ANKRD13B: variants seen among roughly 807,000 people sequenced by gnomAD.
The protein encoded by ANKRD13B is ankyrin repeat domain-containing protein 13B.
A neutral mutation model predicts 74.4 loss-of-function variants in ANKRD13B; 33 were observed. The observed-to-expected ratio is 0.44, with a 90% CI of 0.34 to 0.59. ANKRD13B has a LOEUF of 0.59. Among genes scored for constraint, ANKRD13B ranks in the 20% least tolerant of loss-of-function variants. The pLI is 0.02. For missense variants in ANKRD13B, 676 were observed against 877.9 expected (o/e 0.77, Z 2.91); for synonymous variants, 341 against 362.9 (o/e 0.94, Z 0.68).
intron 1 of ANKRD13B, among the ~76,000 whole-genome samples, chr17:29,594,224 T>C (rs774279914): frequency 8.5e-5 from 13 of 152,286 alleles, no homozygotes; most frequent in Non-Finnish European, 1.5e-4. Flanking sequence ...GCTCTCAAAC[T>C]GGGCAGATCC....
intron 1 of ANKRD13B, among the ~76,000 whole-genome samples, chr17:29,598,658 C>T (rs899222823): frequency 2.0e-5 from 3 of 152,286 alleles, no homozygotes; most frequent in African/African-American, 7.2e-5. Context: ...AGGTGATCCT[C>T]CCATCTCAGC....
chr17:29,593,895 A>ATGGGAGCGGGACCTGCCCGC, intron 1 of ANKRD13B, 160 bp downstream of exon 1: 1 of 315,506 alleles, frequency 3.2e-6, no homozygotes. Flanking sequence ...GGAAAGGGTG[A>ATGGGAGCGGGACCTGCCCGC]TCCCCTCCGG....
chr17:29,597,550 C>T (rs62068576), intron 1 of ANKRD13B, among the ~76,000 whole-genome samples: 3 of 151,850 alleles, frequency 2.0e-5, no homozygotes, highest in African/African-American at 7.3e-5. Flanking sequence ...AAGGAATCTC[C>T]GTTCTCTTGG....
chr17:29,593,831 G>T (rs1341229902), intron 1 of ANKRD13B, 96 bp downstream of exon 1: 13 of 634,768 alleles, frequency 2.0e-5, no homozygotes, highest in Non-Finnish European at 2.9e-5. Flanking sequence ...CGCCTCCCTG[G>T]CGAGTTTGCG....
chr17:29,608,867 G>T lies in ANKRD13B; in HGVS notation c.438G>T (p.Lys146Asn). The change falls in exon 5 of 15, where the codon AAG becomes AAT. Residue 146 changes from lysine to asparagine, a missense_variant. Around this residue, in one of 4 missense-constraint regions of ANKRD13B, gnomAD observed 328 missense variants for 518.4 expected, o/e 0.63. Transcript: ENST00000394859. The surrounding 1 kb of genome is among the most constrained non-coding windows in gnomAD (Gnocchi z 6.4). The part of the protein sequence containing the change: ...EFTSWVPLVS[K>N]ICPSDTYKVW... ...TTCCACCAGTGCCCCTGGTGTCCAA[G>T]ATCTGCCCTAGTGACACCTACAAAG... is the stretch of plus-strand genomic sequence containing the variant. The T allele has an allele frequency of 6.2e-7, 1 of 1,614,128 alleles. No individual in the cohort carries two copies. The highest frequency in any genetic ancestry group is 8.5e-7 in the Non-Finnish European group (1 of 1,180,028).
chr17:29,597,979 A>AGCTGCAGCGGCTGCG (rs894475577), intron 1 of ANKRD13B, among the ~76,000 whole-genome samples: 1 of 151,938 alleles, frequency 6.6e-6, no homozygotes, highest in African/African-American at 2.4e-5. Context: ...GGGTCTTATT[A>AGCTGCAGCGGCTGCG]GCTGCAGCGG....
In ANKRD13B at chr17:29,611,515, T is replaced by A; in HGVS notation, c.905-64T>A. The A allele has an allele frequency of 6.4e-7, 1 of 1,565,128 alleles. No individual in the cohort carries two copies. Among genetic ancestry groups the A allele is most frequent in the South Asian group, 1.1e-5 (1 of 90,038 alleles). On this transcript the variant is annotated intron_variant, in intron 8 of 14. Transcript: ENST00000394859. The surrounding 1 kb of genome is among the most constrained non-coding windows in gnomAD (Gnocchi z 4.3). ...TCCCTAGGTCTTGGGTGCTGTCACCTCTGATGAGGTGCCCAGGTGTGTGTG... is the reference window on the plus strand; with the variant it reads ...TCCCTAGGTCTTGGGTGCTGTCACCACTGATGAGGTGCCCAGGTGTGTGTG...
At position 29,609,300 on chromosome 17, in the gene ANKRD13B, C is replaced by G; in HGVS notation, c.755+25C>G. ...GGTGGGTGGACATGGCCTTGGTCAC[C>G]CTTGAGCCAGCCCGGTGGGGTGCCT... is the stretch of plus-strand genomic sequence containing the variant. On this transcript the variant is annotated intron_variant, in intron 6 of 14. Transcript: ENST00000394859. The surrounding 1 kb of genome is among the most constrained non-coding windows in gnomAD (Gnocchi z 4.0). The G allele has an allele frequency of 6.2e-7, 1 of 1,613,202 alleles. No individual in the cohort carries two copies. The highest frequency in any genetic ancestry group is 8.5e-7 in the Non-Finnish European group (1 of 1,179,820).
chr17:29,602,805 T>G (rs894200425), intron 1 of ANKRD13B, among the ~76,000 whole-genome samples: 45 of 152,190 alleles, frequency 3.0e-4, no homozygotes, highest in African/African-American at 1.1e-3. Context: ...ACCATAGTAG[T>G]TTTTATCAAG....
chr17:29,593,566 C>A lies in ANKRD13B; in HGVS notation c.-56C>A. On this transcript the variant is annotated 5_prime_UTR_variant, in exon 1 of 15. Coordinates refer to ENST00000394859, the MANE Select transcript of ANKRD13B (RefSeq NM_152345.5). ...GCCCCGCGGCCCCGGGCCCCGGCTCCGGCGCCGTCCCTCCTCCCCGGCCGG... is the reference window on the plus strand; with the variant it reads ...GCCCCGCGGCCCCGGGCCCCGGCTCAGGCGCCGTCCCTCCTCCCCGGCCGG... 2 of 925,630 alleles carry A rather than the reference C, an allele frequency of 2.2e-6. No homozygotes were observed. The highest frequency in any genetic ancestry group is 2.7e-6 in the Non-Finnish European group (2 of 749,668). 57.3% of individuals were successfully genotyped at this position (925,630 alleles called of 1,614,324 possible).
chr17:29,600,034 G>A (rs139188920), intron 1 of ANKRD13B, among the ~76,000 whole-genome samples: 3 of 151,584 alleles, frequency 2.0e-5, no homozygotes, highest in South Asian at 2.1e-4. Context: ...CCGCCACCAC[G>A]CCCAGCTAAT....
At position 29,613,513 on chromosome 17, in the gene ANKRD13B, G is replaced by A. The variant is rs1446816090; in HGVS notation, c.1812G>A (p.Arg604=). The part of the protein sequence containing the change: ...MELSAQEQEE[R]RRRARQEEEE... ...TGTCGGCGCAGGAGCAGGAGGAGAG[G>A]CGGCGGCGCGCGCGCCAGGAGGAGG... The change falls in exon 15 of 15, where the codon AGG becomes AGA. Residue 604 remains arginine, a synonymous_variant. Coordinates refer to ENST00000394859, the MANE Select transcript of ANKRD13B (RefSeq NM_152345.5). The A allele has an allele frequency of 2.0e-6, 3 of 1,527,042 alleles. No individual in the cohort carries two copies. The highest frequency in any genetic ancestry group is 2.6e-6 in the Non-Finnish European group (3 of 1,139,624). 94.6% of individuals were successfully genotyped at this position (1,527,042 alleles called of 1,614,324 possible).
rs2034504530 is a variant in ANKRD13B at position 29,609,508 on chromosome 17, C to T, written c.822+87C>T. 2.0e-6 allele frequency: 3 copies of T among 1,489,760 alleles called. No homozygotes were observed. Among genetic ancestry groups the T allele is most frequent in the Middle Eastern group, 1.8e-4 (1 of 5,554 alleles). The allele number at this position is 1,489,760 out of a possible 1,614,324, so 92.3% of individuals were successfully genotyped here. A position where few individuals can be genotyped will look rare whatever the true frequency, so the allele number is the denominator to read the frequency against. The stretch of plus-strand genomic sequence containing the variant: ...GGGATTCTGACCTCCCTTCCCCAGC[C>T]CTGGAGGTACAGAAGCAATGCAGCG... On this transcript the variant is annotated intron_variant, in intron 7 of 14. Coordinates refer to ENST00000394859, the MANE Select transcript of ANKRD13B (RefSeq NM_152345.5). This position sits in a 1 kb window ranked among gnomAD's most constrained non-coding sequence, Gnocchi z 4.0.
rs1197088972 is a variant in ANKRD13B, at chr17:29,599,861, A to ATTT, written c.114+6127_114+6129dup. 6.4e-4 allele frequency among the ~76,000 whole-genome samples: 35 copies of ATTT among 54,840 alleles called. 1 individual carries two copies. Among genetic ancestry groups the ATTT allele is most frequent in the African/African-American group, 1.1e-3 (12 of 11,030 alleles). The allele number at this position is 54,840 out of a possible 152,430, so 36.0% of individuals were successfully genotyped here. ...ATTTCCTCTGGGTTCTTAGCATCTAATTTGTTTTTTTTTTTTTTTTTTTTT... is the reference window on the plus strand; with the variant it reads ...ATTTCCTCTGGGTTCTTAGCATCTAATTTTTTGTTTTTTTTTTTTTTTTTTTTT... On this transcript the variant is annotated intron_variant, in intron 1 of 14. Transcript: ENST00000394859.
At position 29,593,672 on chromosome 17, in the gene ANKRD13B, G is replaced by C. The variant is rs1375455876; in HGVS notation, c.51G>C (p.Pro17=). 6.9e-7 allele frequency: 1 copy of C among 1,440,702 alleles called. No homozygotes were observed. Among genetic ancestry groups the C allele is most frequent in the Non-Finnish European group, 9.2e-7 (1 of 1,087,520 alleles). 89.2% of individuals were successfully genotyped at this position (1,440,702 alleles called of 1,614,324 possible). A position where few individuals can be genotyped will look rare whatever the true frequency, so the allele number is the denominator to read the frequency against. The change falls in exon 1 of 15, where the codon CCG becomes CCC. Residue 17 remains proline, a synonymous_variant. Coordinates refer to ENST00000394859, the MANE Select transcript of ANKRD13B (RefSeq NM_152345.5). ...GGAAGGGGCCCGAGGGCAAGTATCC[G>C]CTGCACTACCTCGTGTGGCACAACC... ...SARKGPEGKY[P]LHYLVWHNRH... is the part of the protein sequence containing the mutation.
intron 1 of ANKRD13B, among the ~76,000 whole-genome samples, chr17:29,601,389 TTTTTGTA>T (rs2034174104): frequency 6.6e-6 from 1 of 151,944 alleles, no homozygotes; most frequent in Non-Finnish European, 1.5e-5. Context: ...GCCCAGCTAA[TTTTTGTA>T]TTTTTAGTAG....
chr17:29,612,315 G>A lies in ANKRD13B; in HGVS notation c.1258+42G>A, dbSNP rs985807483. The A allele has an allele frequency of 1.9e-6, 3 of 1,612,212 alleles. No homozygotes were observed. The highest frequency in any genetic ancestry group is 2.5e-6 in the Non-Finnish European group (3 of 1,178,724). ...ATTTCTCCTGAGCCCGTGGCGGGCC[G>A]ACCGGGGTTTAGATGAGGTCGGGGT... On this transcript the variant is annotated intron_variant, in intron 11 of 14. Coordinates refer to ENST00000394859, the MANE Select transcript of ANKRD13B (RefSeq NM_152345.5). This position sits in a 1 kb window ranked among gnomAD's most constrained non-coding sequence, Gnocchi z 6.1.
In ANKRD13B at chr17:29,612,799, G is replaced by T; in HGVS notation, c.1559G>T (p.Gly520Val). Residue 520 changes from glycine (G) to valine (V), a missense_variant, in exon 13 of 15, where the codon GGC becomes GTC. Physicochemically the swap from Gly to Val is moderately radical, Grantham distance 109. This residue lies in a region of ANKRD13B where 152 missense variants were observed against 181.4 expected (regional missense o/e 0.84). Transcript: ENST00000394859. This position sits in a 1 kb window ranked among gnomAD's most constrained non-coding sequence, Gnocchi z 6.1. The stretch of plus-strand genomic sequence containing the variant: ...ATCCAGCAGAGCCTGCTTGAGGCGG[G>T]CAGTGAGTATGACCAGGTGCGTCTC... The part of the protein sequence containing the change: ...FAIQQSLLEA[G>V]SEYDQVTIWE... 1 of 1,603,064 alleles carries T rather than the reference G, an allele frequency of 6.2e-7. No individual in the cohort carries two copies.
Position 29,612,477 on chromosome 17 carries a change from C to G in ANKRD13B, c.1334C>G (p.Ser445Trp). The change falls in exon 12 of 15, where the codon TCG (serine) becomes TGG (tryptophan). Residue 445 changes from serine (S) to tryptophan (W), a missense_variant. Around this residue, in one of 4 missense-constraint regions of ANKRD13B, gnomAD observed 152 missense variants for 181.4 expected, o/e 0.84. Transcript: ENST00000394859. The surrounding 1 kb of genome is among the most constrained non-coding windows in gnomAD (Gnocchi z 6.1). ...NLNGCDEPVP[S>W]VRGSPSSETP... ...AACGGCTGCGACGAACCGGTGCCAT[C>G]GGTGCGAGGCAGCCCCAGCAGCGAG... 1 of 1,596,900 alleles carries G rather than the reference C, an allele frequency of 6.3e-7. No homozygotes were observed. The highest frequency in any genetic ancestry group is 8.5e-7 in the Non-Finnish European group (1 of 1,171,748).
Sources: gnomAD v4.1 joint callset for allele counts (sites outside exome capture counted in the v4.1 genomes callset) on GRCh38, gnomAD v4.1.1 for gene constraint, gnomAD v4.1.1 regional missense constraint, Gnocchi (gnomAD v3.1) non-coding constraint, MANE v1.5 for transcripts, NCBI Gene and HGNC (gene_info 2026-07-23, HGNC 2026-07-21) for gene names.